Variants in GABRB3 observed in about 807,000 individuals in gnomAD.
GABRB3 encodes gamma-aminobutyric acid type A receptor subunit beta3.
GABRB3 carries 14 observed loss-of-function variants against 52.1 expected under a neutral mutation model. That is an observed-to-expected ratio of 0.27 (90% confidence interval 0.18 to 0.42). The LOEUF is 0.42. Ranked by LOEUF, GABRB3 falls within the 10% of genes least tolerant of loss-of-function variation. The pLI is 1.00. For synonymous variants in GABRB3, 260 were observed against 232.3 expected (o/e 1.12, Z -1.08); for missense variants, 307 against 609.1 (o/e 0.50, Z 5.22).
At chr15:26,760,303 C>A (rs926051638) in intron 3 of GABRB3, among the ~76,000 whole-genome samples, 2 of 152,178 alleles carry the variant, frequency 1.3e-5, no homozygotes, top group African/African-American at 4.8e-5. Context: ...GAAATCAGAG[C>A]TGCAAGGCAA....
intron 3 of GABRB3, among the ~76,000 whole-genome samples, chr15:26,742,018 A>G (rs74004663): frequency 0.018 from 2,736 of 152,244 alleles, 89 homozygotes; most frequent in African/African-American, 0.063. Context: ...AATCCTCACA[A>G]TGCAATTTCT....
At chr15:26,606,612 TA>T (rs1891803516) in intron 4 of GABRB3, among the ~76,000 whole-genome samples, 1 of 152,076 alleles carries the variant, frequency 6.6e-6, no homozygotes, top group Non-Finnish European at 1.5e-5. Flanking sequence ...TGCCTACTTT[TA>T]CCACTTTAAT....
At chr15:26,640,357 A>G (rs2094449751) in intron 3 of GABRB3, among the ~76,000 whole-genome samples, 1 of 152,128 alleles carries the variant, frequency 6.6e-6, no homozygotes, top group African/African-American at 2.4e-5. Flanking sequence ...CTATACTAAA[A>G]ATACAAAAAA....
chr15:26,563,106 G>A (rs1023844010), intron 7 of GABRB3, among the ~76,000 whole-genome samples: 1 of 152,152 alleles, frequency 6.6e-6, no homozygotes, highest in Admixed American at 6.5e-5. Context: ...ACTTGGATTT[G>A]GGAAGACCGA....
At chr15:26,711,015 A>C (rs111567913) in intron 3 of GABRB3, among the ~76,000 whole-genome samples, 5 of 152,170 alleles carry the variant, frequency 3.3e-5, no homozygotes, top group African/African-American at 1.2e-4. Context: ...GAGCTCTGGA[A>C]GTAGTCTGAA....
chr15:26,718,425 T>A (rs1889557280), intron 3 of GABRB3, among the ~76,000 whole-genome samples: 1 of 152,140 alleles, frequency 6.6e-6, no homozygotes, highest in Non-Finnish European at 1.5e-5. Context: ...GTCAGGCTGC[T>A]CTCGAACTCC....
intron 3 of GABRB3, among the ~76,000 whole-genome samples, chr15:26,736,373 A>G (rs1890066902): frequency 6.6e-6 from 1 of 152,270 alleles, no homozygotes; most frequent in Non-Finnish European, 1.5e-5. Flanking sequence ...CAATAACATG[A>G]TAAAATTATA....
intron 3 of GABRB3, among the ~76,000 whole-genome samples, chr15:26,738,743 G>T (rs1187640208): frequency 6.6e-6 from 1 of 152,120 alleles, no homozygotes; most frequent in Non-Finnish European, 1.5e-5. Flanking sequence ...CAGGAGAGAG[G>T]CTCAGTCTCA....
chr15:26,717,891 T>A (rs1185013327), intron 3 of GABRB3, among the ~76,000 whole-genome samples: 2 of 152,234 alleles, frequency 1.3e-5, no homozygotes, highest in Admixed American at 6.5e-5. Flanking sequence ...AGAGATCCCT[T>A]GATCCTTGTA....
chr15:26,565,418 A>C (rs1040905046), intron 7 of GABRB3, among the ~76,000 whole-genome samples: 7 of 151,852 alleles, frequency 4.6e-5, no homozygotes, highest in African/African-American at 1.5e-4. Flanking sequence ...GGTCACCCTA[A>C]CTCTAGTGAA....
At chr15:26,719,111 G>T (rs540904732) in intron 3 of GABRB3, among the ~76,000 whole-genome samples, 307 of 152,350 alleles carry the variant, frequency 2.0e-3, no homozygotes, top group Middle Eastern at 3.4e-3. Flanking sequence ...CATGCACATC[G>T]GTCTGAATTG....
Position 26,658,716 on chromosome 15 carries a change from G to A in GABRB3, c.241-37182C>T, listed in dbSNP as rs1343054014. 3 of 152,178 alleles carry A rather than the reference G, an allele frequency of 2.0e-5. No individual in the cohort carries two copies. In the South Asian group the frequency reaches 6.2e-4, roughly 32 times the overall value. 9.4% of individuals were successfully genotyped at this position (152,178 alleles called of 1,614,324 possible). ...TTATTTGCACGAGGTTCCCTGTCCA[G>A]CATTTGCAGGCTTTGTGTAGGTGCT... On this transcript the variant is annotated intron_variant, in intron 3 of 8. Transcript: ENST00000311550.
intron 3 of GABRB3, among the ~76,000 whole-genome samples, chr15:26,684,407 A>T (rs1888336286): frequency 6.6e-6 from 1 of 152,170 alleles, no homozygotes; most frequent in African/African-American, 2.4e-5. Context: ...AGAAATGTTC[A>T]CATATGGGAA....
intron 5 of GABRB3, 100 bp downstream of exon 5, chr15:26,583,232 T>A (rs1890852728): frequency 7.6e-6 from 7 of 921,774 alleles, no homozygotes; most frequent in Middle Eastern, 2.1e-4. Context: ...TCTTTCTATG[T>A]CAAAAAAATT....
upstream of GABRB3, chr15:26,773,139 C>A (rs933662819): frequency 2.1e-5 from 10 of 469,036 alleles, no homozygotes; most frequent in African/African-American, 2.1e-4. Context: ...GAAGGAGGAG[C>A]GGGGAGGGAG....
intron 3 of GABRB3, among the ~76,000 whole-genome samples, chr15:26,728,088 A>G: frequency 6.6e-6 from 1 of 152,204 alleles, no homozygotes. Context: ...CAGACCATCC[A>G]GATACACTGC....
chr15:26,583,661 AT>A (rs1462008422), intron 4 of GABRB3, among the ~76,000 whole-genome samples: 2 of 151,356 alleles, frequency 1.3e-5, no homozygotes, highest in African/African-American at 4.8e-5. Context: ...TTAATCATTT[AT>A]TTTTTGATTG....
rs147968649 is a variant in GABRB3, at chr15:26,682,262, G to T, written c.241-60728C>A. On this transcript the variant is annotated intron_variant, in intron 3 of 8. Coordinates refer to ENST00000311550, the MANE Select transcript of GABRB3 (RefSeq NM_000814.6). ...CAACAAAGGCTGCATGGAATCCTGG[G>T]ATGAGCGCTTCAATACCTTCCTCCC... is the stretch of plus-strand genomic sequence containing the variant. Among the ~76,000 whole-genome samples, 44 of 152,264 alleles carry T rather than the reference G, an allele frequency of 2.9e-4. No individual in the cohort carries two copies. The East Asian group carries it at 5.0e-3, about 17-fold the overall frequency.
chr15:26,584,151 C>A (rs2140739963), intron 4 of GABRB3, among the ~76,000 whole-genome samples: 1 of 152,292 alleles, frequency 6.6e-6, no homozygotes, highest in East Asian at 1.9e-4. Flanking sequence ...GAGTATACAG[C>A]ACTTTGTTAT....
Sources: allele counts gnomAD v4.1 joint callset (sites outside exome capture counted in the v4.1 genomes callset), GRCh38; gene constraint gnomAD v4.1.1; transcripts MANE v1.5; gene names NCBI Gene and HGNC (gene_info 2026-07-23, HGNC 2026-07-21).